Variants in SNX9 observed in about 807,000 individuals in gnomAD.
SNX9 encodes the protein sorting nexin-9.
SNX9 carries 44 observed loss-of-function variants against 89.4 expected under a neutral mutation model. The ratio of observed to expected loss-of-function variants is 0.49; its 90% CI spans 0.39 to 0.63. The LOEUF is 0.63. SNX9 is among the 30% of genes least tolerant of loss of function. The pLI is 0.00. For synonymous variants in SNX9, 236 were observed against 247.8 expected (o/e 0.95, Z 0.45); for missense variants, 578 against 736.1 (o/e 0.79, Z 2.49).
chr6:157,833,659 C>T (rs1012495435), intron 1 of SNX9, among the ~76,000 whole-genome samples: 1 of 152,142 alleles, frequency 6.6e-6, no homozygotes, highest in African/African-American at 2.4e-5. Flanking sequence ...GTGCCTTCTC[C>T]CTCAGGAGCT....
intron 5 of SNX9, among the ~76,000 whole-genome samples, chr6:157,898,756 A>G (rs1361012038): frequency 6.6e-6 from 1 of 152,188 alleles, no homozygotes; most frequent in Non-Finnish European, 1.5e-5. Context: ...CTGTAAGCAC[A>G]TTGGGCCAAG....
chr6:157,935,582 G>C (rs1323429718), intron 13 of SNX9, among the ~76,000 whole-genome samples: 1 of 152,194 alleles, frequency 6.6e-6, no homozygotes. Context: ...CATCAGTTCT[G>C]TGCCGTATGG....
chr6:157,875,292 G>A (rs1022783803), intron 4 of SNX9, 116 bp downstream of exon 4: 12 of 1,356,532 alleles, frequency 8.8e-6, no homozygotes, highest in Middle Eastern at 2.6e-4. Context: ...AAACAAAGTC[G>A]CTTTTAGGTT....
In SNX9 at chr6:157,896,976, C is replaced by T. The variant is rs528658607; in HGVS notation, c.450C>T (p.His150=). 1.4e-5 allele frequency: 22 copies of T among 1,604,110 alleles called. No homozygotes were observed. The East Asian group carries it at 4.7e-4, about 34-fold the overall frequency. ...TPNNWDTAFG[H]PQAYQGPATG... ...ACAACTGGGACACTGCCTTCGGCCA[C>T]CCCCAGGCCTACCAAGGACCAGGTG... Residue 150 remains histidine (H), a synonymous_variant, in exon 5 of 18, where the codon CAC becomes CAT. Coordinates refer to ENST00000392185, the MANE Select transcript of SNX9 (RefSeq NM_016224.5).
At chr6:157,936,961 CT>C (rs1332335480) in intron 14 of SNX9, among the ~76,000 whole-genome samples, 3 of 151,152 alleles carry the variant, frequency 2.0e-5, no homozygotes, top group Admixed American at 1.3e-4. Flanking sequence ...TTGTGGGCTA[CT>C]TTGCTGATAC....
In SNX9 at chr6:157,903,070, G is replaced by A. The variant is rs144039132; in HGVS notation, c.620+1025G>A. Among the ~76,000 whole-genome samples, 30 of 152,294 alleles carry A rather than the reference G, an allele frequency of 2.0e-4. No homozygotes were observed. The East Asian group carries it at 5.8e-3, about 29-fold the overall frequency. ...GGATTCTTTGGAGAGACCTAAATAA[G>A]GCTGTAGTCTATGCCAGTGTAGCTT... On this transcript the variant is annotated intron_variant, in intron 6 of 17. Transcript: ENST00000392185.
At chr6:157,905,540 C>G (rs182930600) in intron 6 of SNX9, among the ~76,000 whole-genome samples, 8 of 151,534 alleles carry the variant, frequency 5.3e-5, no homozygotes, top group African/African-American at 7.3e-5. Flanking sequence ...ACCTCCCCCC[C>G]ACCCCCTCCC....
intron 6 of SNX9, among the ~76,000 whole-genome samples, chr6:157,903,769 C>T (rs2115172207): frequency 6.6e-6 from 1 of 152,172 alleles, no homozygotes; most frequent in East Asian, 1.9e-4. Flanking sequence ...AACCTTAAGG[C>T]AAGTTTCGTG....
chr6:157,935,811 T>TA (rs1473012596), intron 13 of SNX9, among the ~76,000 whole-genome samples, 153 bp from the exon 14 acceptor site: 4 of 152,146 alleles, frequency 2.6e-5, no homozygotes. Flanking sequence ...AGGCAGATGG[T>TA]GGGTGATGGG....
chr6:157,847,212 C>T (rs1781822660), intron 1 of SNX9, among the ~76,000 whole-genome samples: 2 of 152,116 alleles, frequency 1.3e-5, no homozygotes, highest in South Asian at 4.2e-4. Flanking sequence ...AGGTGATCCT[C>T]CTACCTCAGC....
Position 157,823,292 on chromosome 6 carries a change from G to C in SNX9, c.-143G>C, listed in dbSNP as rs1472084106. The C allele has an allele frequency of 1.6e-5, 10 of 611,386 alleles. No individual in the cohort carries two copies. The East Asian group carries it at 3.6e-4, about 22-fold the overall frequency. 37.9% of individuals were successfully genotyped at this position (611,386 alleles called of 1,614,324 possible). ...GGCTGGGCCTGAGCGTCGAGACTCG[G>C]GGCCGAGGCGGAGGAGCGGCCGCCG... is the stretch of plus-strand genomic sequence containing the variant. On this transcript the variant is annotated 5_prime_UTR_variant, in exon 1 of 18. Transcript: ENST00000392185. The surrounding 1 kb of genome is among the most constrained non-coding windows in gnomAD (Gnocchi z 4.6).
At chr6:157,889,702 A>T (rs974773251) in intron 4 of SNX9, among the ~76,000 whole-genome samples, 9 of 152,234 alleles carry the variant, frequency 5.9e-5, no homozygotes, top group African/African-American at 1.9e-4. Flanking sequence ...CTCTTCAATT[A>T]AAAGTCTCTA....
intron 9 of SNX9, among the ~76,000 whole-genome samples, chr6:157,915,501 T>G (rs1036004327): frequency 3.4e-4 from 52 of 151,206 alleles, no homozygotes; most frequent in African/African-American, 1.2e-3. Context: ...TGTAAGAATT[T>G]CAGGCCAGGC....
At chr6:157,940,125 G>A (rs1211559050) in intron 16 of SNX9, among the ~76,000 whole-genome samples, 1 of 152,166 alleles carries the variant, frequency 6.6e-6, no homozygotes. Flanking sequence ...AGGGTCTCCC[G>A]CTGTCCCACA....
At chr6:157,902,490 C>G (rs1783125531) in intron 6 of SNX9, among the ~76,000 whole-genome samples, 1 of 151,850 alleles carries the variant, frequency 6.6e-6, no homozygotes, top group South Asian at 2.1e-4. Flanking sequence ...GTACATAAAA[C>G]CCCTGTTTTA....
chr6:157,875,530 G>C (rs934517630), intron 4 of SNX9, among the ~76,000 whole-genome samples: 23 of 152,158 alleles, frequency 1.5e-4, no homozygotes, highest in Non-Finnish European at 1.5e-4. Flanking sequence ...GTCAGTGTCA[G>C]AGCCTCGGCC....
intron 1 of SNX9, among the ~76,000 whole-genome samples, chr6:157,858,518 G>A (rs544627112): frequency 2.9e-4 from 44 of 152,118 alleles, no homozygotes; most frequent in African/African-American, 9.4e-4. Flanking sequence ...CACCATGCCC[G>A]GCCATTGTCC....
intron 9 of SNX9, among the ~76,000 whole-genome samples, chr6:157,920,910 C>T (rs1403083100): frequency 1.3e-5 from 2 of 152,178 alleles, no homozygotes; most frequent in African/African-American, 2.4e-5. Flanking sequence ...ATAGCAACTT[C>T]CATTATTGCA....
intron 1 of SNX9, among the ~76,000 whole-genome samples, chr6:157,854,938 A>AT (rs1781979781): frequency 6.8e-6 from 1 of 147,976 alleles, no homozygotes; most frequent in African/African-American, 2.5e-5. Flanking sequence ...TTTTGACGGG[A>AT]TAATAGGTTC....
Sources: allele counts gnomAD v4.1 joint callset (sites outside exome capture counted in the v4.1 genomes callset), GRCh38; gene constraint gnomAD v4.1.1; non-coding constraint Gnocchi (gnomAD v3.1); transcripts MANE v1.5; gene names NCBI Gene and HGNC (gene_info 2026-07-23, HGNC 2026-07-21).